RIMS1: variants seen among roughly 807,000 people sequenced by gnomAD.
The protein encoded by RIMS1 is regulating synaptic membrane exocytosis protein 1.
In RIMS1, 83 loss-of-function variants were observed where a neutral mutation model predicts 214.1. That is an observed-to-expected ratio of 0.39 (90% confidence interval 0.32 to 0.47). RIMS1 has a LOEUF of 0.47. Among genes scored for constraint, RIMS1 ranks in the 20% least tolerant of loss-of-function variants. RIMS1 has a pLI of 0.99. For missense variants in RIMS1, 2,050 were observed against 2,161.8 expected, an observed-to-expected ratio of 0.95 and a Z score of 1.03; for synonymous variants, 793 against 786.8, an observed-to-expected ratio of 1.01 and a Z score of -0.13.
intron 2 of RIMS1, among the ~76,000 whole-genome samples, chr6:72,085,423 A>G (rs1430602351): frequency 6.6e-6 from 1 of 152,176 alleles, no homozygotes; most frequent in Non-Finnish European, 1.5e-5. Context: ...ACAAAATTGT[A>G]AGTTTTAAAC....
chr6:72,075,371 T>C (rs1259195438), intron 2 of RIMS1, among the ~76,000 whole-genome samples: 1 of 152,202 alleles, frequency 6.6e-6, no homozygotes, highest in Non-Finnish European at 1.5e-5. Flanking sequence ...ACCTCCTAAA[T>C]TGCTGAGATC....
intron 6 of RIMS1, among the ~76,000 whole-genome samples, chr6:72,189,904 T>A (rs1045255577): frequency 2.0e-5 from 3 of 152,212 alleles, no homozygotes; most frequent in African/African-American, 7.2e-5. Context: ...TCATATGGGA[T>A]ACAAATATCT....
chr6:71,946,818 C>T (rs1404931572), intron 1 of RIMS1, among the ~76,000 whole-genome samples: 1 of 151,624 alleles, frequency 6.6e-6, no homozygotes, highest in Non-Finnish European at 1.5e-5. Flanking sequence ...ATCTTCTGCA[C>T]AGCCAAGAGA....
intron 1 of RIMS1, among the ~76,000 whole-genome samples, chr6:71,936,488 A>C (rs1185103087): frequency 6.6e-6 from 1 of 152,146 alleles, no homozygotes. Context: ...ATCAACAAAA[A>C]ACCAATAAAA....
At chr6:72,094,597 T>C (rs1303966233) in intron 2 of RIMS1, among the ~76,000 whole-genome samples, 1 of 152,186 alleles carries the variant, frequency 6.6e-6, no homozygotes, top group East Asian at 1.9e-4. Flanking sequence ...TAAAGTTTCA[T>C]TGGAGCATAT....
Position 72,068,163 on chromosome 6 carries a change from G to C in RIMS1, c.246-28786G>C, listed in dbSNP as rs572480884. On this transcript the variant is annotated intron_variant, in intron 2 of 33. Transcript: ENST00000521978. ...ACAGGGCAGGGGACCAATTTTTTTG[G>C]TCCATGGTAACGAGTATACTAGAAA... Among the ~76,000 whole-genome samples the C allele has an allele frequency of 9.7e-4, 148 of 152,116 alleles. 1 individual carries two copies. The highest frequency in any genetic ancestry group is 3.4e-4 in the Non-Finnish European group (23 of 68,012).
At chr6:72,109,328 G>C (rs1171187230) in intron 4 of RIMS1, among the ~76,000 whole-genome samples, 1 of 150,962 alleles carries the variant, frequency 6.6e-6, no homozygotes, top group Non-Finnish European at 1.5e-5. Context: ...CGGTGTAAAA[G>C]TGTTCCTATT....
chr6:72,215,808 T>TC (rs1191001463), intron 6 of RIMS1, among the ~76,000 whole-genome samples: 5 of 152,212 alleles, frequency 3.3e-5, no homozygotes, highest in African/African-American at 1.2e-4. Context: ...TTCAAATTAG[T>TC]CATTTCATTT....
intron 28 of RIMS1, among the ~76,000 whole-genome samples, chr6:72,325,517 G>T (rs563771697): frequency 6.6e-6 from 1 of 151,148 alleles, no homozygotes; most frequent in African/African-American, 2.4e-5. Flanking sequence ...TAAGGTTAAC[G>T]TATGAAAAGG....
At chr6:72,261,096 C>T in intron 19 of RIMS1, 3 of 1,196,008 alleles carry the variant, frequency 2.5e-6, no homozygotes, top group South Asian at 1.6e-5. Context: ...AACTTTCCCA[C>T]ACATATTCCT....
chr6:72,393,067 G>T (rs1326956101), intron 31 of RIMS1, among the ~76,000 whole-genome samples: 1 of 146,776 alleles, frequency 6.8e-6, no homozygotes, highest in Non-Finnish European at 1.5e-5. Flanking sequence ...TAGGACATGG[G>T]TGGCATTTCA....
chr6:72,030,575 A>G (rs1213536043), intron 2 of RIMS1, among the ~76,000 whole-genome samples: 3 of 152,128 alleles, frequency 2.0e-5, no homozygotes, highest in African/African-American at 7.2e-5. Flanking sequence ...TTATAAAATA[A>G]CATGAATTTT....
At chr6:72,074,122 T>C (rs1226345938) in intron 2 of RIMS1, among the ~76,000 whole-genome samples, 1 of 152,174 alleles carries the variant, frequency 6.6e-6, no homozygotes, top group Non-Finnish European at 1.5e-5. Context: ...CATACATTTC[T>C]GGTAAGGGAG....
intron 4 of RIMS1, among the ~76,000 whole-genome samples, chr6:72,111,006 T>A (rs1437992576): frequency 6.6e-6 from 1 of 152,234 alleles, no homozygotes; most frequent in East Asian, 1.9e-4. Flanking sequence ...TTAGCACTTC[T>A]TGTGTTTCCA....
intron 1 of RIMS1, 106 bp from the exon 2 acceptor site, chr6:71,968,877 C>G (rs1241320011): frequency 1.7e-6 from 2 of 1,175,528 alleles, no homozygotes; most frequent in African/African-American, 3.0e-5. Context: ...AAGGGGCTTT[C>G]AAAGACTTTC....
At chr6:71,917,932 G>C (rs1345107384) in intron 1 of RIMS1, among the ~76,000 whole-genome samples, 1 of 152,146 alleles carries the variant, frequency 6.6e-6, no homozygotes, top group Non-Finnish European at 1.5e-5. Flanking sequence ...GGTACCATTT[G>C]CTGTGATGGT....
rs146852464 is a variant in RIMS1, at chr6:72,046,070, A to G, written c.246-50879A>G. Among the ~76,000 whole-genome samples the G allele has an allele frequency of 7.5e-3, 1,136 of 152,236 alleles. 10 individuals are homozygous for G. The highest frequency in any genetic ancestry group is 0.026 in the African/African-American group (1,072 of 41,552). The stretch of plus-strand genomic sequence containing the variant: ...ATCACTGCTAATGTAAAAGCAAAGT[A>G]TAATATTTTGCTTCACAGATAAGTG... On this transcript the variant is annotated intron_variant, in intron 2 of 33. Coordinates refer to ENST00000521978, the MANE Select transcript of RIMS1 (RefSeq NM_014989.7).
intron 2 of RIMS1, among the ~76,000 whole-genome samples, chr6:72,068,316 G>A (rs1829799887): frequency 6.6e-6 from 1 of 151,920 alleles, no homozygotes; most frequent in Non-Finnish European, 1.5e-5. Context: ...AGTTTACATG[G>A]TATGGGTAAT....
intron 1 of RIMS1, among the ~76,000 whole-genome samples, chr6:71,898,874 C>T (rs1164057186): frequency 6.6e-6 from 1 of 152,074 alleles, no homozygotes; most frequent in East Asian, 1.9e-4. Flanking sequence ...CACCGTCACC[C>T]TTTTTACACT....
Sources: gnomAD v4.1 joint callset for allele counts (sites outside exome capture counted in the v4.1 genomes callset) on GRCh38, gnomAD v4.1.1 for gene constraint, MANE v1.5 for transcripts, NCBI Gene and HGNC (gene_info 2026-07-23, HGNC 2026-07-21) for gene names.